Variants in TEX9 observed in about 807,000 individuals in gnomAD.
The protein encoded by TEX9 is testis expressed 9.
Under a neutral mutation model 59.6 loss-of-function variants are expected in TEX9, and 74 were observed. The observed-to-expected ratio is 1.24, with a 90% CI of 1.03 to 1.51. TEX9 has a LOEUF of 1.51. TEX9 is among the 40% of genes most tolerant of loss of function. The pLI, the probability that TEX9 is intolerant of heterozygous loss-of-function variation, is 0.00. For missense variants in TEX9, 522 were observed against 447.8 expected (o/e 1.17, Z -1.49); for synonymous variants, 186 against 152.2 (o/e 1.22, Z -1.64).
chr15:56,416,099 T>C (rs28790092), intron 10 of TEX9, among the ~76,000 whole-genome samples: 5,106 of 151,984 alleles, frequency 0.034, 290 homozygotes, highest in East Asian at 0.095. Flanking sequence ...TTGCTGAAGT[T>C]GTTTATCTGC....
chr15:56,398,683 C>A (rs2048603800), intron 9 of TEX9, among the ~76,000 whole-genome samples: 1 of 152,158 alleles, frequency 6.6e-6, no homozygotes, highest in Admixed American at 6.5e-5. Flanking sequence ...TTTTCCATTT[C>A]TTATCCATTG....
chr15:56,380,552 T>G (rs1433695243), intron 3 of TEX9, among the ~76,000 whole-genome samples: 1 of 151,726 alleles, frequency 6.6e-6, no homozygotes, highest in African/African-American at 2.4e-5. Flanking sequence ...TAACATCCTT[T>G]TCTTTTAGAT....
chr15:56,322,801 A>G (rs1443479034), intron 1 of TEX9, among the ~76,000 whole-genome samples: 1 of 152,032 alleles, frequency 6.6e-6, no homozygotes, highest in East Asian at 1.9e-4. Flanking sequence ...AATTCACACT[A>G]AGGAGTTAAT....
intron 10 of TEX9, among the ~76,000 whole-genome samples, chr15:56,413,173 T>C (rs1173524687): frequency 4.3e-5 from 3 of 69,290 alleles, no homozygotes; most frequent in African/African-American, 1.3e-4. Flanking sequence ...TTAATAATTT[T>C]TAAATTCTAT....
intron 5 of TEX9, 132 bp downstream of exon 5, chr15:56,388,652 G>T (rs1596162378): frequency 1.6e-6 from 1 of 634,634 alleles, no homozygotes; most frequent in South Asian, 2.5e-5. Context: ...ATACTCAGAG[G>T]GATGCATTTG....
intron 1 of TEX9, among the ~76,000 whole-genome samples, chr15:56,259,966 T>C (rs2141340175): frequency 6.6e-6 from 1 of 152,240 alleles, no homozygotes; most frequent in East Asian, 1.9e-4. Context: ...CTTACATGTC[T>C]TTTATAAAAT....
rs146261025 is a variant in TEX9, at chr15:56,369,660, T to C, written c.120-3781T>C. Reference sequence around the variant, plus strand: ...TTGCATTATGATTAGAGAATTGATGTGATATTAAGTTTTTAAATGTATTGA... The same window carrying C: ...TTGCATTATGATTAGAGAATTGATGCGATATTAAGTTTTTAAATGTATTGA... On this transcript the variant is annotated intron_variant, in intron 2 of 12. Transcript: ENST00000352903. Among the ~76,000 whole-genome samples, 133 of 152,294 alleles carry C rather than the reference T, an allele frequency of 8.7e-4. 1 individual carries two copies. Among genetic ancestry groups the C allele is most frequent in the African/African-American group, 3.0e-3 (126 of 41,562 alleles).
chr15:56,304,242 C>G (rs189282394), intron 1 of TEX9, among the ~76,000 whole-genome samples: 1 of 152,266 alleles, frequency 6.6e-6, no homozygotes, highest in South Asian at 2.1e-4. Flanking sequence ...TTATTTCTTT[C>G]TTTTGTCTGT....
chr15:56,425,596 T>TTAA (rs1368792179), intron 10 of TEX9, among the ~76,000 whole-genome samples: 2 of 152,186 alleles, frequency 1.3e-5, no homozygotes, highest in African/African-American at 2.4e-5. Context: ...TCTCATTTTA[T>TTAA]TAATATATAG....
At chr15:56,244,192 T>C (rs1210622831) in exon 1 of TEX9, 1 of 152,178 alleles carries the variant, frequency 6.6e-6, no homozygotes, top group Admixed American at 6.5e-5. Flanking sequence ...TCAAAGCAAG[T>C]AAAGAGAAAT....
At chr15:56,427,051 T>G (rs1445707416) in intron 10 of TEX9, among the ~76,000 whole-genome samples, 2 of 152,072 alleles carry the variant, frequency 1.3e-5, no homozygotes, top group Non-Finnish European at 2.9e-5. Context: ...TCTGTTTTTC[T>G]AGAATTTTGT....
chr15:56,411,950 G>A (rs561326462), intron 9 of TEX9, among the ~76,000 whole-genome samples: 4 of 152,222 alleles, frequency 2.6e-5, no homozygotes, highest in African/African-American at 7.2e-5. Flanking sequence ...GGTCTTTTTG[G>A]GAGGTTCCCA....
In TEX9 at chr15:56,443,387, A is replaced by G; in HGVS notation, c.*30-2284A>G. 3 of 1,389,484 alleles carry G rather than the reference A, an allele frequency of 2.2e-6. No homozygotes were observed. In the South Asian group the frequency reaches 4.3e-5, roughly 20 times the overall value. The allele number at this position is 1,389,484 out of a possible 1,614,324, so 86.1% of individuals were successfully genotyped here. The stretch of plus-strand genomic sequence containing the variant: ...CTTTTCTGCTTCATCTCAAAATTAT[A>G]TTCTTCTCTACATTAATCATTCTTT... On this transcript the variant is annotated intron_variant, in intron 12 of 12. Transcript: ENST00000352903.
intron 1 of TEX9, among the ~76,000 whole-genome samples, chr15:56,304,623 G>T (rs1417150855): frequency 2.0e-5 from 3 of 152,128 alleles, no homozygotes; most frequent in Non-Finnish European, 4.4e-5. Flanking sequence ...TAGTCATGAT[G>T]AATGATCTTT....
At chr15:56,276,752 C>T (rs2141429155) in intron 1 of TEX9, among the ~76,000 whole-genome samples, 1 of 152,320 alleles carries the variant, frequency 6.6e-6, no homozygotes, top group East Asian at 1.9e-4. Flanking sequence ...GGAATCACCA[C>T]ACTGTCTTCC....
chr15:56,436,883 C>T (rs1246537723), intron 12 of TEX9, among the ~76,000 whole-genome samples: 1 of 152,280 alleles, frequency 6.6e-6, no homozygotes, highest in African/African-American at 2.4e-5. Context: ...GACACATACA[C>T]CCTCCCAAGA....
chr15:56,422,036 C>G (rs535632599), intron 10 of TEX9, among the ~76,000 whole-genome samples: 4 of 141,768 alleles, frequency 2.8e-5, no homozygotes, highest in Non-Finnish European at 6.0e-5. Flanking sequence ...CCTGAGGAAT[C>G]GCCACACTGA....
At chr15:56,378,299 GTTC>G (rs1179726747) in intron 3 of TEX9, among the ~76,000 whole-genome samples, 6 of 152,130 alleles carry the variant, frequency 3.9e-5, no homozygotes, top group Non-Finnish European at 7.4e-5. Context: ...TTTGGTATTA[GTTC>G]TTCTTTAAAT....
intron 1 of TEX9, among the ~76,000 whole-genome samples, chr15:56,259,256 G>T (rs1410064505): frequency 6.6e-6 from 1 of 152,020 alleles, no homozygotes. Context: ...ATTGTCTATG[G>T]CTGCCTTTGG....
Sources: allele counts gnomAD v4.1 joint callset (sites outside exome capture counted in the v4.1 genomes callset), GRCh38; gene constraint gnomAD v4.1.1; transcripts MANE v1.5; gene names NCBI Gene and HGNC (gene_info 2026-07-23, HGNC 2026-07-21).